Variants in COPZ1 observed in about 807,000 individuals in gnomAD.
COPZ1 encodes coatomer subunit zeta-1.
A neutral mutation model predicts 31.7 loss-of-function variants in COPZ1; 4 were observed. That is an observed-to-expected ratio of 0.13 (90% CI 0.06 to 0.29). The LOEUF is 0.29. Ranked by LOEUF, COPZ1 falls within the 10% of genes least tolerant of loss-of-function variation. COPZ1 has a pLI of 1.00. For synonymous variants in COPZ1, 74 were observed against 79.0 expected (o/e 0.94, Z 0.33); for missense variants, 156 against 211.5 (o/e 0.74, Z 1.63).
chr12:54,331,762 C>T (rs1320256002), intron 1 of COPZ1, among the ~76,000 whole-genome samples: 1 of 152,004 alleles, frequency 6.6e-6, no homozygotes, highest in Non-Finnish European at 1.5e-5. Flanking sequence ...TGATACAAAT[C>T]GTGACCCAGG....
At chr12:54,335,680 C>CTT (rs547103209) in intron 1 of COPZ1, among the ~76,000 whole-genome samples, 1 of 142,800 alleles carries the variant, frequency 7.0e-6, no homozygotes, top group Non-Finnish European at 1.5e-5. Flanking sequence ...CAGTCAGCTT[C>CTT]TTTTTTTTTT....
intron 7 of COPZ1, 49 bp downstream of exon 7, chr12:54,348,100 C>T (rs765757308): frequency 1.9e-6 from 3 of 1,571,608 alleles, no homozygotes; most frequent in South Asian, 2.2e-5. Flanking sequence ...TCACAAACAC[C>T]CTCCAGAGCC....
At chr12:54,342,185 G>T (rs769656791) in intron 2 of COPZ1, 21 bp from the exon 3 acceptor site, 1 of 1,591,512 alleles carries the variant, frequency 6.3e-7, no homozygotes, top group Non-Finnish European at 8.6e-7. Flanking sequence ...ACCCAACCCT[G>T]TCTTCTTTCC....
At chr12:54,332,186 G>A (rs1953769657) in intron 1 of COPZ1, among the ~76,000 whole-genome samples, 1 of 152,054 alleles carries the variant, frequency 6.6e-6, no homozygotes, top group Non-Finnish European at 1.5e-5. Flanking sequence ...GCCGGTCATG[G>A]TGTCACGCGC....
chr12:54,328,188 A>G (rs1451302917), intron 1 of COPZ1, among the ~76,000 whole-genome samples: 1 of 151,488 alleles, frequency 6.6e-6, no homozygotes. Flanking sequence ...AGGCAGGAGA[A>G]TCACTTGAGC....
In COPZ1 at chr12:54,325,158, G is replaced by C. The variant is rs1487999175; in HGVS notation, c.-6G>C. ...GGCTCCACGTCGGCACCAGCTGCGGGGCAAGATGGAGGCGCTGATTTTGGT... is the reference window on the plus strand; with the variant it reads ...GGCTCCACGTCGGCACCAGCTGCGGCGCAAGATGGAGGCGCTGATTTTGGT... On this transcript the variant is annotated 5_prime_UTR_variant, in exon 1 of 9. Transcript: ENST00000262061. 2 of 1,563,320 alleles carry C rather than the reference G, an allele frequency of 1.3e-6. No individual in the cohort carries two copies. The highest frequency in any genetic ancestry group is 2.4e-5 in the South Asian group (2 of 84,920).
intron 1 of COPZ1, 133 bp from the exon 2 acceptor site, chr12:54,340,414 C>T: frequency 7.1e-7 from 1 of 1,417,414 alleles, no homozygotes; most frequent in South Asian, 1.6e-5. Context: ...CAAAATCTGA[C>T]CAAGTTGAGG....
intron 1 of COPZ1, among the ~76,000 whole-genome samples, chr12:54,337,712 A>T (rs1021974885): frequency 5.3e-5 from 8 of 152,208 alleles, no homozygotes; most frequent in Non-Finnish European, 1.5e-5. Flanking sequence ...GCCTGCCTAA[A>T]TTCTCAGCTT....
At chr12:54,329,663 A>G (rs531533130) in intron 1 of COPZ1, among the ~76,000 whole-genome samples, 2 of 152,280 alleles carry the variant, frequency 1.3e-5, no homozygotes, top group East Asian at 1.9e-4. Context: ...TCCTCTCTGG[A>G]TTCACTTTCA....
chr12:54,331,684 C>T (rs910014125), intron 1 of COPZ1, among the ~76,000 whole-genome samples: 45 of 152,074 alleles, frequency 3.0e-4, no homozygotes, highest in African/African-American at 1.1e-3. Context: ...TTCAGTCTCT[C>T]AGAGACTAGC....
chr12:54,350,187 C>T lies in COPZ1; in HGVS notation c.487-289C>T, dbSNP rs578228509. The T allele has an allele frequency of 1.3e-4, 91 of 685,188 alleles. No individual in the cohort carries two copies. The African/African-American group carries it at 1.4e-3, about 11-fold the overall frequency. 42.4% of individuals were successfully genotyped at this position (685,188 alleles called of 1,614,324 possible). The stretch of plus-strand genomic sequence containing the variant: ...ATCTGGATTTGTTACCCGCCCCCTG[C>T]CCGCCGCCCCTTTTAACATATGTCC... On this transcript the variant is annotated intron_variant, in intron 8 of 8. Coordinates refer to ENST00000262061, the MANE Select transcript of COPZ1 (RefSeq NM_016057.3).
intron 1 of COPZ1, among the ~76,000 whole-genome samples, chr12:54,332,246 C>G (rs1334093492): frequency 6.6e-6 from 1 of 151,378 alleles, no homozygotes; most frequent in African/African-American, 2.4e-5. Context: ...GGCGTGAACC[C>G]GGGAGGCGGA....
At chr12:54,331,249 T>C (rs1467367668) in intron 1 of COPZ1, among the ~76,000 whole-genome samples, 2 of 150,836 alleles carry the variant, frequency 1.3e-5, no homozygotes, top group African/African-American at 4.9e-5. Flanking sequence ...GGCATGATCT[T>C]GGCTCACCGC....
At chr12:54,343,099 C>T (rs866644522) in intron 3 of COPZ1, 126 bp from the exon 4 acceptor site, 11 of 748,342 alleles carry the variant, frequency 1.5e-5, no homozygotes, top group Non-Finnish European at 2.4e-5. Context: ...TTAGGTGATC[C>T]GCCAGGCTCG....
chr12:54,346,474 T>G, intron 5 of COPZ1: 1 of 522,292 alleles, frequency 1.9e-6, no homozygotes, highest in Non-Finnish European at 3.5e-6. Context: ...GGTTTTACCA[T>G]GTTGGCCAGG....
chr12:54,334,992 G>T (rs1953831619), intron 1 of COPZ1, among the ~76,000 whole-genome samples: 1 of 152,004 alleles, frequency 6.6e-6, no homozygotes, highest in South Asian at 2.1e-4. Flanking sequence ...TGGGCAAGAT[G>T]GTGAAACTCC....
intron 3 of COPZ1, among the ~76,000 whole-genome samples, chr12:54,342,823 CTGGA>C (rs1456695882): frequency 6.6e-6 from 1 of 150,740 alleles, no homozygotes; most frequent in African/African-American, 2.4e-5. Flanking sequence ...CCCAAAAGAG[CTGGA>C]TACTAGGAAT....
In COPZ1 at chr12:54,348,565, T is replaced by C. The variant is rs183031929; in HGVS notation, c.447+514T>C. On this transcript the variant is annotated intron_variant, in intron 7 of 8. Coordinates refer to ENST00000262061, the MANE Select transcript of COPZ1 (RefSeq NM_016057.3). ...CAGCCTGACCAACATGGTGAAACCC[T>C]GTCTCTACTAAAGACACAAAAATTA... Among the ~76,000 whole-genome samples, 390 of 152,126 alleles carry C rather than the reference T, an allele frequency of 2.6e-3. 3 individuals are homozygous for C. Among genetic ancestry groups the C allele is most frequent in the African/African-American group, 9.0e-3 (373 of 41,478 alleles).
At chr12:54,340,340 T>G in intron 1 of COPZ1, 1 of 731,542 alleles carries the variant, frequency 1.4e-6, no homozygotes. Context: ...TTGGAATCCT[T>G]TGTTTAAATG....
Sources: allele counts gnomAD v4.1 joint callset (sites outside exome capture counted in the v4.1 genomes callset), GRCh38; gene constraint gnomAD v4.1.1; transcripts MANE v1.5; gene names NCBI Gene and HGNC (gene_info 2026-07-23, HGNC 2026-07-21).